DCLK1: variants seen among roughly 807,000 people sequenced by gnomAD.
The protein encoded by DCLK1 is doublecortin like kinase 1, also known as serine/threonine-protein kinase DCLK1.
DCLK1 carries 16 observed loss-of-function variants against 86.2 expected under a neutral mutation model. The observed-to-expected ratio is 0.19, with a 90% confidence interval of 0.13 to 0.28. The LOEUF (loss-of-function observed/expected upper bound fraction) is 0.28, where lower values mean the gene tolerates loss of function less well. Among genes scored for constraint, DCLK1 ranks in the 10% least tolerant of loss-of-function variants. The pLI, the probability that DCLK1 is intolerant of heterozygous loss-of-function variation, is 1.00. For synonymous variants in DCLK1, 369 were observed against 370.5 expected, an observed-to-expected ratio of 1.00 and a Z score of 0.05; for missense variants, 590 against 940.2, an observed-to-expected ratio of 0.63 and a Z score of 4.87.
At chr13:35,963,830 C>T (rs1878584042) in intron 3 of DCLK1, among the ~76,000 whole-genome samples, 1 of 152,162 alleles carries the variant, frequency 6.6e-6, no homozygotes, top group Non-Finnish European at 1.5e-5. Flanking sequence ...ATGCCTCTTT[C>T]CCTTCTGCCA....
intron 4 of DCLK1, among the ~76,000 whole-genome samples, chr13:35,887,498 C>T (rs1003116303): frequency 3.3e-5 from 5 of 152,180 alleles, no homozygotes; most frequent in South Asian, 4.1e-4. Context: ...GCACTTGCTG[C>T]TCAGCCCTCT....
At chr13:36,057,051 T>C (rs1883360731) in intron 3 of DCLK1, among the ~76,000 whole-genome samples, 1 of 151,968 alleles carries the variant, frequency 6.6e-6, no homozygotes, top group African/African-American at 2.4e-5. Flanking sequence ...GGCATGCACA[T>C]GTGAGTTTAT....
chr13:36,041,729 G>A (rs770795908), intron 3 of DCLK1, among the ~76,000 whole-genome samples: 8 of 151,888 alleles, frequency 5.3e-5, no homozygotes, highest in Admixed American at 2.6e-4. Context: ...GTTTATTCAC[G>A]GTGCTTTTAA....
intron 3 of DCLK1, among the ~76,000 whole-genome samples, chr13:35,981,059 A>C (rs2153141580): frequency 6.6e-6 from 1 of 152,282 alleles, no homozygotes; most frequent in Middle Eastern, 3.4e-3. Context: ...AGGTAATAAT[A>C]ATATTAGACA....
intron 1 of DCLK1, among the ~76,000 whole-genome samples, chr13:36,129,928 T>C (rs1462563158): frequency 1.3e-5 from 2 of 152,126 alleles, no homozygotes; most frequent in African/African-American, 4.8e-5. Flanking sequence ...GAGCACATGG[T>C]TCTTGTTTCA....
chr13:35,984,444 A>G (rs1879804614), intron 3 of DCLK1, among the ~76,000 whole-genome samples: 1 of 152,178 alleles, frequency 6.6e-6, no homozygotes, highest in African/African-American at 2.4e-5. Flanking sequence ...ACATGCCCAG[A>G]AAACCCTGCA....
In DCLK1 at chr13:35,811,113, C is replaced by T. The variant is rs556492638; in HGVS notation, c.1555-145G>A. 6.0e-5 allele frequency: 57 copies of T among 957,758 alleles called. No homozygotes were observed. In the African/African-American group the frequency reaches 7.0e-4, roughly 12 times the overall value. 59.3% of individuals were successfully genotyped at this position (957,758 alleles called of 1,614,324 possible). ...AATTATGCAAGAATGGATATACATA[C>T]AAAATAGCTTACTTCCTTTAGATTA... On this transcript the variant is annotated intron_variant, in intron 11 of 16. Transcript: ENST00000360631.
At chr13:36,087,140 T>C (rs995310263) in intron 3 of DCLK1, among the ~76,000 whole-genome samples, 1 of 152,232 alleles carries the variant, frequency 6.6e-6, no homozygotes, top group Admixed American at 6.5e-5. Context: ...GTTTCCTGAC[T>C]TTTTAATGAT....
At chr13:36,005,830 C>T (rs878886006) in intron 3 of DCLK1, among the ~76,000 whole-genome samples, 1 of 152,138 alleles carries the variant, frequency 6.6e-6, no homozygotes, top group African/African-American at 2.4e-5. Context: ...GAATACTATG[C>T]AGCCATAAAA....
intron 4 of DCLK1, among the ~76,000 whole-genome samples, chr13:35,890,491 C>T (rs1244820327): frequency 6.6e-6 from 1 of 152,132 alleles, no homozygotes; most frequent in Admixed American, 6.5e-5. Flanking sequence ...CAGATCTCTA[C>T]TGATAGTTTT....
In DCLK1 at chr13:35,976,525, G is replaced by GTTTTTTTTTTTTTTTTTTTTTTT. The variant is rs11294824; in HGVS notation, c.724-29091_724-29069dup. 3.9e-4 allele frequency among the ~76,000 whole-genome samples: 22 copies of GTTTTTTTTTTTTTTTTTTTTTTT among 56,372 alleles called. 2 individuals carry two copies. Among genetic ancestry groups the GTTTTTTTTTTTTTTTTTTTTTTT allele is most frequent in the African/African-American group, 6.2e-4 (10 of 16,060 alleles). 37.0% of individuals were successfully genotyped at this position (56,372 alleles called of 152,430 possible). Reference sequence around the variant, plus strand: ...CTCCCAGCACTTCAGCTTCTCCGAGGTTTTTTTTTTTTTTTTTTTTTTTGA... The same window carrying GTTTTTTTTTTTTTTTTTTTTTTT: ...CTCCCAGCACTTCAGCTTCTCCGAGGTTTTTTTTTTTTTTTTTTTTTTTTTTTTTTTTTTTTTTTTTTTTTTGA... On this transcript the variant is annotated intron_variant, in intron 3 of 16. Transcript: ENST00000360631.
intron 10 of DCLK1, among the ~76,000 whole-genome samples, chr13:35,824,460 G>A (rs1046433165): frequency 6.6e-6 from 1 of 152,082 alleles, no homozygotes; most frequent in Non-Finnish European, 1.5e-5. Flanking sequence ...GATTACATGC[G>A]TGAGCCACTG....
At chr13:35,821,279 T>C (rs2087388844) in intron 11 of DCLK1, among the ~76,000 whole-genome samples, 1 of 152,196 alleles carries the variant, frequency 6.6e-6, no homozygotes, top group Non-Finnish European at 1.5e-5. Flanking sequence ...TAGATGGTTC[T>C]CCATCATGGC....
chr13:35,901,594 A>G (rs2078439043), intron 4 of DCLK1, among the ~76,000 whole-genome samples: 1 of 148,378 alleles, frequency 6.7e-6, no homozygotes, highest in Non-Finnish European at 1.5e-5. Flanking sequence ...ACAGAGCCAG[A>G]GGTTTGGTAG....
At chr13:35,846,688 CTG>C in intron 6 of DCLK1, 1 of 985,298 alleles carries the variant, frequency 1.0e-6, no homozygotes, top group East Asian at 1.1e-4. Flanking sequence ...CACTATGCCT[CTG>C]TGCAATATTT....
At chr13:36,029,373 T>A (rs1882175754) in intron 3 of DCLK1, among the ~76,000 whole-genome samples, 2 of 152,194 alleles carry the variant, frequency 1.3e-5, no homozygotes, top group Non-Finnish European at 2.9e-5. Flanking sequence ...TCTATCAGCG[T>A]CACAGCAGGA....
chr13:36,008,401 A>G (rs368584206), intron 3 of DCLK1, among the ~76,000 whole-genome samples: 28 of 81,736 alleles, frequency 3.4e-4, no homozygotes, highest in African/African-American at 1.1e-3. Flanking sequence ...AGTCCCCAGA[A>G]TGTGATATTC....
intron 3 of DCLK1, among the ~76,000 whole-genome samples, chr13:35,970,220 C>A (rs1878998738): frequency 6.6e-6 from 1 of 152,126 alleles, no homozygotes; most frequent in African/African-American, 2.4e-5. Flanking sequence ...GAATTGTTTT[C>A]CATTCGTGGC....
chr13:36,036,351 C>T (rs1882492559), intron 3 of DCLK1, among the ~76,000 whole-genome samples: 1 of 152,180 alleles, frequency 6.6e-6, no homozygotes, highest in African/African-American at 2.4e-5. Flanking sequence ...TTCAATAAAC[C>T]CTGCTGTCCA....
Sources: gnomAD v4.1 joint callset for allele counts (sites outside exome capture counted in the v4.1 genomes callset) on GRCh38, gnomAD v4.1.1 for gene constraint, MANE v1.5 for transcripts, NCBI Gene and HGNC (gene_info 2026-07-23, HGNC 2026-07-21) for gene names.